Variants in KCNH8 observed in about 807,000 individuals in gnomAD.
KCNH8 encodes the protein voltage-gated delayed rectifier potassium channel KCNH8.
Under a neutral mutation model 103.6 loss-of-function variants are expected in KCNH8, and 70 were observed. The observed-to-expected ratio is 0.68, with a 90% CI of 0.56 to 0.82. KCNH8 has a LOEUF of 0.82. Ranked by LOEUF, KCNH8 falls within the 40% of genes least tolerant of loss-of-function variation. The pLI is 0.00. For missense variants in KCNH8, 1,217 were observed against 1,329.9 expected (o/e 0.92, Z 1.32); for synonymous variants, 498 against 489.4 (o/e 1.02, Z -0.23).
At chr3:19,309,757 AC>A (rs1453942913) in intron 3 of KCNH8, among the ~76,000 whole-genome samples, 3 of 152,054 alleles carry the variant, frequency 2.0e-5, no homozygotes, top group African/African-American at 7.2e-5. Flanking sequence ...CAAAACATGA[AC>A]CAAAAATCCC....
chr3:19,251,396 G>A lies in KCNH8; in HGVS notation c.77-2258G>A, dbSNP rs575066363. ...GTGTCTCTAGCTCATGCTTTCAGAG[G>A]GGGAGAGTGGCTGGGAAGGCAGAAG... On this transcript the variant is annotated intron_variant, in intron 1 of 15. Coordinates refer to ENST00000328405, the MANE Select transcript of KCNH8 (RefSeq NM_144633.3). Among the ~76,000 whole-genome samples the A allele has an allele frequency of 5.9e-5, 9 of 152,206 alleles. 1 individual carries two copies. The highest frequency in any genetic ancestry group is 2.0e-4 in the Admixed American group (3 of 15,292).
Position 19,168,215 on chromosome 3 carries a change from A to G in KCNH8, c.76+19420A>G, listed in dbSNP as rs573629304. 7.7e-4 allele frequency among the ~76,000 whole-genome samples: 117 copies of G among 151,756 alleles called. No homozygotes were observed. The South Asian group carries it at 0.013, about 17-fold the overall frequency. ...TTGTTTGTTTGTATTTTTAGTAGAG[A>G]CAGGGTTTCGCCATGTTGAGTAGGC... is the stretch of plus-strand genomic sequence containing the variant. On this transcript the variant is annotated intron_variant, in intron 1 of 15. Transcript: ENST00000328405.
At position 19,227,767 on chromosome 3, in the gene KCNH8, C is replaced by T. The variant is rs1207440090; in HGVS notation, c.77-25887C>T. Among the ~76,000 whole-genome samples the T allele has an allele frequency of 2.6e-5, 4 of 152,128 alleles. No individual in the cohort carries two copies. The East Asian group carries it at 7.7e-4, about 29-fold the overall frequency. On this transcript the variant is annotated intron_variant, in intron 1 of 15. Transcript: ENST00000328405. ...TGTGAAGTATAGATAATGTTGTAGG[C>T]CCAGTGAGCGGCAACAAGGGTCAAA... is the stretch of plus-strand genomic sequence containing the variant.
intron 1 of KCNH8, among the ~76,000 whole-genome samples, chr3:19,157,827 CT>C: frequency 6.6e-6 from 1 of 151,686 alleles, no homozygotes; most frequent in Middle Eastern, 3.7e-3. Flanking sequence ...TTTTTGACAT[CT>C]TTGAGCCATT....
intron 7 of KCNH8, among the ~76,000 whole-genome samples, chr3:19,408,612 A>C (rs1379470695): frequency 2.0e-5 from 3 of 152,132 alleles, no homozygotes; most frequent in Non-Finnish European, 4.4e-5. Context: ...TCAACACAAA[A>C]AAAATTCTAA....
intron 1 of KCNH8, among the ~76,000 whole-genome samples, chr3:19,174,953 T>C (rs1268798251): frequency 6.6e-6 from 1 of 152,176 alleles, no homozygotes; most frequent in Non-Finnish European, 1.5e-5. Flanking sequence ...GCACTAATAA[T>C]TTTGTTTTAT....
intron 5 of KCNH8, among the ~76,000 whole-genome samples, chr3:19,387,482 T>C (rs1289365056): frequency 6.6e-6 from 1 of 152,152 alleles, no homozygotes; most frequent in African/African-American, 2.4e-5. Flanking sequence ...ATGGGAAATA[T>C]TCAAATCAAT....
At chr3:19,471,631 T>C (rs2067857757) in intron 11 of KCNH8, among the ~76,000 whole-genome samples, 1 of 152,152 alleles carries the variant, frequency 6.6e-6, no homozygotes, top group South Asian at 2.1e-4. Flanking sequence ...GTTGTATAAG[T>C]TTATGCTCTA....
intron 5 of KCNH8, among the ~76,000 whole-genome samples, chr3:19,358,132 A>G (rs577481434): frequency 6.6e-6 from 1 of 151,914 alleles, no homozygotes; most frequent in South Asian, 2.1e-4. Context: ...CTAGAAAAAA[A>G]TACTGGCCGG....
intron 15 of KCNH8, among the ~76,000 whole-genome samples, chr3:19,520,729 A>G (rs2068957336): frequency 6.6e-6 from 1 of 151,968 alleles, no homozygotes; most frequent in Non-Finnish European, 1.5e-5. Context: ...AAAAAACTCT[A>G]CCACCAAAAG....
intron 3 of KCNH8, among the ~76,000 whole-genome samples, chr3:19,321,813 T>C (rs1040816217): frequency 1.2e-4 from 18 of 152,140 alleles, no homozygotes; most frequent in African/African-American, 4.3e-4. Flanking sequence ...TTGCTGTCTA[T>C]GTCATTTCTT....
chr3:19,499,618 A>G (rs1423686917), intron 11 of KCNH8, among the ~76,000 whole-genome samples: 1 of 152,182 alleles, frequency 6.6e-6, no homozygotes, highest in Non-Finnish European at 1.5e-5. Flanking sequence ...GCCAGAAGAG[A>G]GTGGGGGCCA....
intron 3 of KCNH8, among the ~76,000 whole-genome samples, chr3:19,317,249 A>G (rs1445483361): frequency 1.3e-5 from 2 of 151,964 alleles, no homozygotes; most frequent in Non-Finnish European, 2.9e-5. Flanking sequence ...GCTACAAATT[A>G]TTAAGGCTGA....
chr3:19,240,117 C>G (rs980929574), intron 1 of KCNH8, among the ~76,000 whole-genome samples: 5 of 152,138 alleles, frequency 3.3e-5, no homozygotes, highest in South Asian at 2.1e-4. Context: ...CATGAGCTCT[C>G]TCTTTACTCA....
At chr3:19,323,005 C>A (rs1003900587) in intron 3 of KCNH8, among the ~76,000 whole-genome samples, 1 of 152,128 alleles carries the variant, frequency 6.6e-6, no homozygotes, top group African/African-American at 2.4e-5. Flanking sequence ...GTGCATTTTG[C>A]AATTCTCTAA....
At chr3:19,324,029 A>G (rs1482669958) in intron 3 of KCNH8, among the ~76,000 whole-genome samples, 1 of 152,174 alleles carries the variant, frequency 6.6e-6, no homozygotes, top group Admixed American at 6.5e-5. Context: ...CTGTAGTAGT[A>G]TAGGATCAGG....
chr3:19,431,325 G>A (rs1321756954), intron 7 of KCNH8, among the ~76,000 whole-genome samples: 2 of 152,178 alleles, frequency 1.3e-5, no homozygotes, highest in African/African-American at 4.8e-5. Context: ...TGCATTTCTG[G>A]CGTGAAGCCT....
chr3:19,531,818 G>A (rs527807294), intron 15 of KCNH8, among the ~76,000 whole-genome samples: 1 of 152,280 alleles, frequency 6.6e-6, no homozygotes, highest in South Asian at 2.1e-4. Flanking sequence ...TCAGTTCAAT[G>A]AAGTTGAACT....
intron 1 of KCNH8, among the ~76,000 whole-genome samples, chr3:19,157,342 G>T (rs930450568): frequency 1.3e-5 from 2 of 151,992 alleles, no homozygotes; most frequent in Non-Finnish European, 2.9e-5. Context: ...AAAGAATGAG[G>T]GTATTGGGCC....
Sources: allele counts gnomAD v4.1 joint callset (sites outside exome capture counted in the v4.1 genomes callset), GRCh38; gene constraint gnomAD v4.1.1; transcripts MANE v1.5; gene names NCBI Gene and HGNC (gene_info 2026-07-23, HGNC 2026-07-21).